KCNQ2: variants seen among roughly 807,000 people sequenced by gnomAD.
KCNQ2 encodes potassium voltage-gated channel subfamily Q member 2.
Under a neutral mutation model 84.8 loss-of-function variants are expected in KCNQ2, and 14 were observed. That is an observed-to-expected ratio of 0.17 (90% CI 0.11 to 0.26). The LOEUF (loss-of-function observed/expected upper bound fraction) is 0.26. Ranked by LOEUF, KCNQ2 falls within the 10% of genes least tolerant of loss-of-function variation. The pLI is 1.00. For synonymous variants in KCNQ2, 599 were observed against 554.1 expected, an observed-to-expected ratio of 1.08 and a Z score of -1.14; for missense variants, 788 against 1,254.0, an observed-to-expected ratio of 0.63 and a Z score of 5.61.
intron 4 of KCNQ2, among the ~76,000 whole-genome samples, chr20:63,443,466 TCAC>T (rs1568937988): frequency 6.8e-4 from 21 of 30,976 alleles, no homozygotes; most frequent in Admixed American, 7.2e-4. Context: ...ATCACCACCA[TCAC>T]CACCATCATC....
intron 7 of KCNQ2, chr20:63,434,300 G>T: frequency 4.5e-6 from 1 of 221,726 alleles, no homozygotes; most frequent in Non-Finnish European, 8.8e-6. Context: ...CTGGGAGTAT[G>T]GGTAGGGCCA....
intron 12 of KCNQ2, among the ~76,000 whole-genome samples, chr20:63,416,202 GC>G (rs2080290742): frequency 6.6e-6 from 1 of 152,150 alleles, no homozygotes; most frequent in South Asian, 2.1e-4. Flanking sequence ...CTGTGGCCCG[GC>G]CCCCTCGGCC....
intron 15 of KCNQ2, 52 bp downstream of exon 15, chr20:63,413,398 A>G: frequency 6.2e-7 from 1 of 1,607,012 alleles, no homozygotes; most frequent in East Asian, 2.2e-5. Context: ...GCTTTGTCCC[A>G]GAAGCCCACC....
intron 12 of KCNQ2, among the ~76,000 whole-genome samples, chr20:63,416,985 A>T (rs2080318482): frequency 6.6e-6 from 1 of 151,966 alleles, no homozygotes; most frequent in Non-Finnish European, 1.5e-5. Context: ...CCGCTCGGGG[A>T]AGCAGAGACG....
intron 15 of KCNQ2, chr20:63,411,934 C>T: frequency 1.4e-6 from 1 of 705,322 alleles, no homozygotes; most frequent in South Asian, 1.5e-5. Flanking sequence ...CGTAAAGCCA[C>T]AGGAAATGAG....
At chr20:63,427,759 C>G (rs979347799) in intron 10 of KCNQ2, among the ~76,000 whole-genome samples, 2 of 152,218 alleles carry the variant, frequency 1.3e-5, no homozygotes, top group Non-Finnish European at 2.9e-5. Context: ...GATCTGAGAT[C>G]GTCCTGATAG....
At chr20:63,415,576 G>C (rs960929108) in intron 12 of KCNQ2, among the ~76,000 whole-genome samples, 3 of 151,904 alleles carry the variant, frequency 2.0e-5, no homozygotes, top group Non-Finnish European at 4.4e-5. Context: ...GGGAGGCTGG[G>C]TGGGCAGCAA....
intron 1 of KCNQ2, among the ~76,000 whole-genome samples, chr20:63,456,978 G>A (rs1260810476): frequency 6.6e-6 from 1 of 152,212 alleles, no homozygotes; most frequent in Non-Finnish European, 1.5e-5. Flanking sequence ...GCCTCCCTGG[G>A]GGCCCCGCTC....
chr20:63,457,547 C>T (rs1191619443), intron 1 of KCNQ2, among the ~76,000 whole-genome samples: 5 of 152,176 alleles, frequency 3.3e-5, no homozygotes, highest in African/African-American at 9.7e-5. Flanking sequence ...GGCAGGGAGG[C>T]GCTCTCAGGG....
In KCNQ2 at chr20:63,411,948, C is replaced by T. The variant is rs868066659; in HGVS notation, c.1763+1502G>A. The T allele has an allele frequency of 7.2e-6, 5 of 696,452 alleles. No individual in the cohort carries two copies. In the Middle Eastern group the frequency reaches 9.6e-4, roughly 133 times the overall value. The allele number at this position is 696,452 out of a possible 1,614,324, so 43.1% of individuals were successfully genotyped here. Reference sequence around the variant, plus strand: ...TCGTAAAGCCACAGGAAATGAGGAGCTGGCCAGGAACTGGCGGAAACGGAA... The same window carrying T: ...TCGTAAAGCCACAGGAAATGAGGAGTTGGCCAGGAACTGGCGGAAACGGAA... On this transcript the variant is annotated intron_variant, in intron 15 of 16. Coordinates refer to ENST00000359125, the MANE Select transcript of KCNQ2 (RefSeq NM_172107.4).
rs2081100018 is a variant in KCNQ2 at position 63,439,649 on chromosome 20, G to A, written c.876C>T (p.Leu292=). Reference sequence around the variant, plus strand: ...CGATGAGGGTGAAGGTTGCCGCAAGGAGCCTGCCGTTCCAGGTCTGGGGGT... The same window carrying A: ...CGATGAGGGTGAAGGTTGCCGCAAGAAGCCTGCCGTTCCAGGTCTGGGGGT... ...DKYPQTWNGR[L]LAATFTLIGV... The change falls in exon 6 of 17, where the codon CTC becomes CTT. Residue 292 remains leucine, a synonymous_variant. Coordinates refer to ENST00000359125, the MANE Select transcript of KCNQ2 (RefSeq NM_172107.4). 6.2e-7 allele frequency: 1 copy of A among 1,613,784 alleles called. No individual in the cohort carries two copies. The highest frequency in any genetic ancestry group is 2.2e-5 in the East Asian group (1 of 44,880).
chr20:63,422,908 C>T (rs545823242), intron 11 of KCNQ2, among the ~76,000 whole-genome samples: 1 of 152,296 alleles, frequency 6.6e-6, no homozygotes, highest in South Asian at 2.1e-4. Flanking sequence ...GGAAGCCTCG[C>T]GTCCACCTGG....
Position 63,425,873 on chromosome 20 carries a change from C to G in KCNQ2, c.1218-1667G>C, listed in dbSNP as rs1328891848. On this transcript the variant is annotated intron_variant, in intron 10 of 16. Transcript: ENST00000359125. The surrounding 1 kb of genome is among the most constrained non-coding windows in gnomAD (Gnocchi z 5.5). ...ATGCATGGGCTTGTGAACTAGAAAA[C>G]AAGCCATCTGCTTAAAGTATCAACA... is the stretch of plus-strand genomic sequence containing the variant. Among the ~76,000 whole-genome samples, 1 of 152,226 alleles carries G rather than the reference C, an allele frequency of 6.6e-6. No individual in the cohort carries two copies. The highest frequency in any genetic ancestry group is 6.5e-5 in the Admixed American group (1 of 15,282).
At chr20:63,432,793 G>A (rs1600728590) in intron 8 of KCNQ2, among the ~76,000 whole-genome samples, 2 of 131,140 alleles carry the variant, frequency 1.5e-5, no homozygotes, top group Middle Eastern at 4.2e-3. Context: ...CCCACCCTCA[G>A]GGAAGGCCCC....
rs770995829 is a variant in KCNQ2, at chr20:63,407,422, G to A, written c.1888-47C>T. 4.1e-5 allele frequency: 66 copies of A among 1,591,260 alleles called. No individual in the cohort carries two copies. The highest frequency in any genetic ancestry group is 5.3e-5 in the Non-Finnish European group (62 of 1,175,804). ...TGGGGTGCGAGGGCCCGTCCCAGGA[G>A]ATGTGGGGACCCAGGCTGCTCCCAG... On this transcript the variant is annotated intron_variant, in intron 16 of 16. Coordinates refer to ENST00000359125, the MANE Select transcript of KCNQ2 (RefSeq NM_172107.4). This position sits in a 1 kb window ranked among gnomAD's most constrained non-coding sequence, Gnocchi z 7.2.
rs563672498 is a variant in KCNQ2, at chr20:63,400,265, G to A, written c.*6379C>T. On this transcript the variant is annotated 3_prime_UTR_variant, in exon 17 of 17. Transcript: ENST00000359125. The surrounding 1 kb of genome is among the most constrained non-coding windows in gnomAD (Gnocchi z 8.7). ...ACAGGTCCACCTGGCGTCCGAACTC[G>A]TCCCCGTGGCAGCAGGGATCCCCAG... is the stretch of plus-strand genomic sequence containing the variant. 23 of 208,366 alleles carry A rather than the reference G, an allele frequency of 1.1e-4. No homozygotes were observed. The highest frequency in any genetic ancestry group is 3.0e-4 in the African/African-American group (13 of 43,650). 12.9% of individuals were successfully genotyped at this position (208,366 alleles called of 1,614,324 possible).
Position 63,419,673 on chromosome 20 carries a change from C to T in KCNQ2, c.1248-1G>A. ...GGGCCCTCTGCACGGGCTGCCTTTA[C>T]TGGAAATGAGGAGAGCACAGTTAGT... On this transcript the variant is annotated splice_acceptor_variant, in intron 11 of 16. Transcript: ENST00000359125. LOFTEE classifies it high-confidence loss of function. 2 of 1,610,316 alleles carry T rather than the reference C, an allele frequency of 1.2e-6. No homozygotes were observed. The highest frequency in any genetic ancestry group is 1.7e-6 in the Non-Finnish European group (2 of 1,179,096).
rs949210948 is a variant in KCNQ2, at chr20:63,445,372, G to A, written c.388-8C>T. 2 of 1,613,350 alleles carry A rather than the reference G, an allele frequency of 1.2e-6. No homozygotes were observed. Among genetic ancestry groups the A allele is most frequent in the African/African-American group, 1.3e-5 (1 of 75,062 alleles). On this transcript the variant is annotated splice_polypyrimidine_tract_variant and splice_region_variant and intron_variant, in intron 2 of 16. Coordinates refer to ENST00000359125, the MANE Select transcript of KCNQ2 (RefSeq NM_172107.4). The stretch of plus-strand genomic sequence containing the variant: ...CACGATAGTCACGATTTCCTGCAGG[G>A]GAGGAAAGCTGAGGCCACCTTGAGG...
Position 63,407,011 on chromosome 20 carries a change from G to A in KCNQ2, c.2252C>T (p.Ser751Leu), listed in dbSNP as rs774002673. The change falls in exon 17 of 17, where the codon TCG becomes TTG. Residue 751 changes from serine (S) to leucine (L), a missense_variant. Physicochemically the swap from Ser to Leu is moderately radical, Grantham distance 145. Transcript: ENST00000359125. The surrounding 1 kb of genome is among the most constrained non-coding windows in gnomAD (Gnocchi z 7.2). The part of the protein sequence containing the change: ...RIPPPPAHER[S>L]LSAYGGGNRA... ...GTTGCCCCCGCCGTAGGCGGACAGC[G>A]ACCGCTCGTGGGCAGGCGGCGGCGG... 146 of 1,533,154 alleles carry A rather than the reference G, an allele frequency of 9.5e-5. No homozygotes were observed. The highest frequency in any genetic ancestry group is 2.9e-4 in the Admixed American group (15 of 50,978). 95.0% of individuals were successfully genotyped at this position (1,533,154 alleles called of 1,614,324 possible).
Sources: gnomAD v4.1 joint callset for allele counts (sites outside exome capture counted in the v4.1 genomes callset) on GRCh38, gnomAD v4.1.1 for gene constraint, Gnocchi (gnomAD v3.1) non-coding constraint, MANE v1.5 for transcripts, NCBI Gene and HGNC (gene_info 2026-07-23, HGNC 2026-07-21) for gene names.